Variants in PBLD observed in about 807,000 individuals in gnomAD.
PBLD encodes phenazine biosynthesis-like domain-containing protein.
In PBLD, 26 loss-of-function variants were observed where a neutral mutation model predicts 31.3. That is an observed-to-expected ratio of 0.83 (90% CI 0.61 to 1.15). The LOEUF is 1.15. PBLD is among the 50% of genes most tolerant of loss of function. The probability of loss-of-function intolerance (pLI) is 0.00; values close to 1 mark genes in which losing one functional copy is unlikely to be tolerated. For synonymous variants in PBLD, 114 were observed against 129.0 expected, an observed-to-expected ratio of 0.88 and a Z score of 0.79; for missense variants, 307 against 351.7, an observed-to-expected ratio of 0.87 and a Z score of 1.02.
chr10:68,290,609 T>C (rs10762208), intron 6 of PBLD, among the ~76,000 whole-genome samples: 119,715 of 151,878 alleles, frequency 0.79, 47,809 homozygotes, highest in Non-Finnish European at 0.86. Flanking sequence ...CTCAGCTACT[T>C]GCGAGGCTGA....
In PBLD at chr10:68,288,466, G is replaced by A. The variant is rs200443136; in HGVS notation, c.691+17C>T. 485 of 1,610,992 alleles carry A rather than the reference G, an allele frequency of 3.0e-4. 4 individuals are homozygous for A. Among genetic ancestry groups the A allele is most frequent in the Middle Eastern group, 2.2e-3 (13 of 6,034 alleles). On this transcript the variant is annotated intron_variant, in intron 8 of 9. Coordinates refer to ENST00000358769, the MANE Select transcript of PBLD (RefSeq NM_022129.4). ...CTTCCATTGTTTAACCCTCCCCTGG[G>A]CTCAAGTAAAAAGTACCTGTCACTG...
chr10:68,288,446 A>G, intron 8 of PBLD, 37 bp downstream of exon 8: 1 of 1,595,224 alleles, frequency 6.3e-7, no homozygotes, highest in South Asian at 1.1e-5. Flanking sequence ...CTCCTCTTCC[A>G]TTGTTTAACC....
intron 6 of PBLD, among the ~76,000 whole-genome samples, chr10:68,291,045 C>T (rs2044352080): frequency 6.6e-6 from 1 of 152,166 alleles, no homozygotes; most frequent in Non-Finnish European, 1.5e-5. Context: ...CTAGAGACTA[C>T]AAATGCTGTA....
chr10:68,291,016 A>G (rs1295841195), intron 6 of PBLD, among the ~76,000 whole-genome samples: 1 of 152,212 alleles, frequency 6.6e-6, no homozygotes, highest in South Asian at 2.1e-4. Flanking sequence ...TTCTTTGAAA[A>G]CACAGATAAA....
chr10:68,285,758 A>G (rs1236931775), intron 8 of PBLD, among the ~76,000 whole-genome samples: 1 of 151,772 alleles, frequency 6.6e-6, no homozygotes, highest in African/African-American at 2.4e-5. Context: ...GGCTCACTGC[A>G]GTCTTGACAT....
rs144660705 is a variant in PBLD, at chr10:68,288,969, G to A, written c.474C>T (p.Thr158=). 25 of 1,614,016 alleles carry A rather than the reference G, an allele frequency of 1.5e-5. No individual in the cohort carries two copies. In the Admixed American group the frequency reaches 4.2e-4, roughly 27 times the overall value. The part of the protein sequence containing the change: ...LVQDICYSPD[T]QKLLVRLSDV... ...CACTGAGGCGGACGAGGAGCTTTTG[G>A]GTATCTGGAGAATAACAGATGTCCT... Residue 158 remains threonine (T), a synonymous_variant, in exon 7 of 10, where the codon ACC becomes ACT. Transcript: ENST00000358769.
chr10:68,285,238 T>C (rs750887956), intron 9 of PBLD, 110 bp downstream of exon 9: 20 of 1,575,646 alleles, frequency 1.3e-5, no homozygotes, highest in Non-Finnish European at 1.6e-5. Flanking sequence ...CATTTTCACA[T>C]GGGTGATACA....
intron 2 of PBLD, among the ~76,000 whole-genome samples, chr10:68,302,542 T>G (rs1391651172): frequency 6.6e-6 from 1 of 152,132 alleles, no homozygotes; most frequent in Non-Finnish European, 1.5e-5. Flanking sequence ...GTGGCAAACT[T>G]GTAAACTAAA....
At chr10:68,324,718 G>A (rs182933993) in intron 1 of PBLD, among the ~76,000 whole-genome samples, 1 of 151,724 alleles carries the variant, frequency 6.6e-6, no homozygotes, top group Non-Finnish European at 1.5e-5. Flanking sequence ...AGGCTCAAAC[G>A]ATTCTCCTGC....
intron 1 of PBLD, among the ~76,000 whole-genome samples, chr10:68,330,947 A>G (rs1326929143): frequency 6.6e-6 from 1 of 152,006 alleles, no homozygotes; most frequent in Non-Finnish European, 1.5e-5. Context: ...CTCAACTTCC[A>G]GGGCACAAGC....
intron 2 of PBLD, among the ~76,000 whole-genome samples, chr10:68,303,398 A>AT (rs1030766293): frequency 9.7e-6 from 1 of 103,362 alleles, no homozygotes; most frequent in African/African-American, 3.7e-5. Context: ...TTTTTATTAC[A>AT]TTGTTTTCAA....
intron 1 of PBLD, among the ~76,000 whole-genome samples, chr10:68,315,905 A>G (rs1195044552): frequency 6.6e-6 from 1 of 152,254 alleles, no homozygotes; most frequent in Non-Finnish European, 1.5e-5. Flanking sequence ...CTAAGCTAAC[A>G]TACCAGTGTC....
intron 1 of PBLD, among the ~76,000 whole-genome samples, chr10:68,329,926 T>C (rs1055749698): frequency 6.6e-6 from 1 of 152,174 alleles, no homozygotes; most frequent in African/African-American, 2.4e-5. Flanking sequence ...CTGTGTGACC[T>C]TGGGCAACTA....
intron 8 of PBLD, among the ~76,000 whole-genome samples, chr10:68,286,085 C>CTTTTTTTTTTTTTTTTTT (rs71009034): frequency 9.7e-6 from 1 of 103,422 alleles, no homozygotes; most frequent in Non-Finnish European, 1.8e-5. Flanking sequence ...TTGAATAATT[C>CTTTTTTTTTTTTTTTTTT]TTTTTTTTTT....
At chr10:68,312,891 G>T (rs749002559) in intron 1 of PBLD, among the ~76,000 whole-genome samples, 1 of 151,872 alleles carries the variant, frequency 6.6e-6, no homozygotes, top group Non-Finnish European at 1.5e-5. Flanking sequence ...GATTACAGGC[G>T]TGAGCCACCG....
intron 1 of PBLD, among the ~76,000 whole-genome samples, chr10:68,319,107 GA>G (rs765763063): frequency 1.7e-5 from 2 of 120,586 alleles, no homozygotes; most frequent in Admixed American, 8.6e-5. Flanking sequence ...AAGAAAGAAA[GA>G]AAGGAAAAAG....
intron 1 of PBLD, among the ~76,000 whole-genome samples, chr10:68,308,741 A>C (rs2044616182): frequency 6.7e-6 from 1 of 149,822 alleles, no homozygotes; most frequent in Non-Finnish European, 1.5e-5. Flanking sequence ...GGGTTTCGCC[A>C]TGTTGGCCAG....
chr10:68,289,270 G>A (rs1285565760), intron 6 of PBLD, among the ~76,000 whole-genome samples: 2 of 152,154 alleles, frequency 1.3e-5, no homozygotes, highest in Non-Finnish European at 2.9e-5. Flanking sequence ...GCTCACACCT[G>A]TAATCCCAGC....
At chr10:68,306,945 T>C in intron 1 of PBLD, 42 bp from the exon 2 acceptor site, 1 of 839,404 alleles carries the variant, frequency 1.2e-6, no homozygotes, top group Non-Finnish European at 1.9e-6. Flanking sequence ...TTTTACTTGG[T>C]GTCCAGACGC....
Sources: allele counts gnomAD v4.1 joint callset (sites outside exome capture counted in the v4.1 genomes callset), GRCh38; gene constraint gnomAD v4.1.1; transcripts MANE v1.5; gene names NCBI Gene and HGNC (gene_info 2026-07-23, HGNC 2026-07-21).